The following UGT1A4 variants were observed in gnomAD, a reference collection of about 807,000 sequenced individuals.
The protein encoded by UGT1A4 is UDP glucuronosyltransferase family 1 member A4.
A neutral mutation model predicts 41.1 loss-of-function variants in UGT1A4; 32 were observed. That is an observed-to-expected ratio of 0.78 (90% CI 0.59 to 1.05). The LOEUF (loss-of-function observed/expected upper bound fraction) is 1.05, where lower values mean the gene tolerates loss of function less well. UGT1A4 is among the 50% of genes least tolerant of loss of function. The pLI is 0.00. For synonymous variants in UGT1A4, 283 were observed against 265.1 expected, an observed-to-expected ratio of 1.07 and a Z score of -0.66; for missense variants, 748 against 677.4, an observed-to-expected ratio of 1.10 and a Z score of -1.16.
chr2:233,722,106 A>G, intron 1 of UGT1A4: 1 of 195,622 alleles, frequency 5.1e-6, no homozygotes, highest in South Asian at 1.0e-4. Flanking sequence ...TCTTAGAGGA[A>G]GAGCTATCAT....
chr2:233,769,846 A>T lies in UGT1A4; in HGVS notation c.1307+1407A>T. 5.9e-6 allele frequency: 3 copies of T among 506,296 alleles called. No individual in the cohort carries two copies. Among genetic ancestry groups the T allele is most frequent in the African/African-American group, 2.0e-5 (1 of 49,168 alleles). The allele number at this position is 506,296 out of a possible 1,614,324, so 31.4% of individuals were successfully genotyped here. ...CTCCAGCAACCTGGGCAACAGAGTG[A>T]GACCCTGTCTCAAAAAAAAAAAAAA... On this transcript the variant is annotated intron_variant, in intron 4 of 4. Coordinates refer to ENST00000373409, the MANE Select transcript of UGT1A4 (RefSeq NM_007120.3). The surrounding 1 kb of genome is among the most constrained non-coding windows in gnomAD (Gnocchi z 4.4).
chr2:233,733,569 G>C (rs1217619334), intron 1 of UGT1A4, among the ~76,000 whole-genome samples: 1 of 152,186 alleles, frequency 6.6e-6, no homozygotes, highest in East Asian at 1.9e-4. Context: ...AAATAATCAT[G>C]TGGTTTGTCA....
intron 1 of UGT1A4, among the ~76,000 whole-genome samples, chr2:233,737,236 T>A (rs2078854689): frequency 6.6e-6 from 1 of 152,226 alleles, no homozygotes; most frequent in Non-Finnish European, 1.5e-5. Flanking sequence ...CTGGATGCTT[T>A]GTTTACCTAC....
Position 233,769,261 on chromosome 2 carries a change from C to T in UGT1A4, c.1307+822C>T, listed in dbSNP as rs1242622914. ...ATTTGCTCAAATGTGGCCCTGAAAA[C>T]GATTCAAAGGGCAAATGATTTCTGG... On this transcript the variant is annotated intron_variant, in intron 4 of 4. Coordinates refer to ENST00000373409, the MANE Select transcript of UGT1A4 (RefSeq NM_007120.3). This position sits in a 1 kb window ranked among gnomAD's most constrained non-coding sequence, Gnocchi z 4.4. 1.3e-5 allele frequency among the ~76,000 whole-genome samples: 2 copies of T among 152,124 alleles called. No homozygotes were observed. Among genetic ancestry groups the T allele is most frequent in the African/African-American group, 2.4e-5 (1 of 41,420 alleles).
At position 233,772,420 on chromosome 2, in the gene UGT1A4, C is replaced by G. The variant is rs72551360; in HGVS notation, c.1466C>G (p.Ser489Cys). Residue 489 changes from serine (S) to cysteine (C), a missense_variant, in exon 5 of 5, where the codon TCC becomes TGC. Ser to Cys is a moderately radical substitution (Grantham distance 112, BLOSUM62 -1). Coordinates refer to ENST00000373409, the MANE Select transcript of UGT1A4 (RefSeq NM_007120.3). ...GACCTCACCTGGTACCAGTACCATTCCTTGGACGTGATTGGTTTCCTCTTG... is the reference window on the plus strand; with the variant it reads ...GACCTCACCTGGTACCAGTACCATTGCTTGGACGTGATTGGTTTCCTCTTG... ...AHDLTWYQYH[S>C]LDVIGFLLAV... is the part of the protein sequence containing the mutation. The G allele has an allele frequency of 1.2e-6, 2 of 1,614,120 alleles. No homozygotes were observed. Among genetic ancestry groups the G allele is most frequent in the African/African-American group, 2.7e-5 (2 of 74,942 alleles).
chr2:233,771,982 G>T (rs1700430504), intron 4 of UGT1A4, among the ~76,000 whole-genome samples: 2 of 152,206 alleles, frequency 1.3e-5, no homozygotes, highest in South Asian at 4.1e-4. Context: ...AGACATAGTG[G>T]TGCATGACTA....
At chr2:233,732,108 C>T (rs1321461905) in intron 1 of UGT1A4, among the ~76,000 whole-genome samples, 1 of 150,998 alleles carries the variant, frequency 6.6e-6, no homozygotes, top group Non-Finnish European at 1.5e-5. Context: ...TGTTCATATC[C>T]TTTGCCCACT....
chr2:233,719,279 C>T lies in UGT1A4; in HGVS notation c.459C>T (p.Pro153=), dbSNP rs371816622. The change falls in exon 1 of 5, where the codon CCC becomes CCT. Residue 153 remains proline (P), a synonymous_variant. Transcript: ENST00000373409. ...ATSFDVVLTD[P]VNLCGAVLAK... ...CCTTTGATGTGGTTTTAACAGACCCCGTTAACCTCTGTGGGGCGGTGCTGG... is the reference window on the plus strand; with the variant it reads ...CCTTTGATGTGGTTTTAACAGACCCTGTTAACCTCTGTGGGGCGGTGCTGG... 6.4e-5 allele frequency: 103 copies of T among 1,614,078 alleles called. 1 individual carries two copies. In the African/African-American group the frequency reaches 1.0e-3, roughly 16 times the overall value.
At chr2:233,755,270 G>A (rs1695837924) in intron 1 of UGT1A4, 1 of 756,192 alleles carries the variant, frequency 1.3e-6, no homozygotes, top group Non-Finnish European at 2.0e-6. Flanking sequence ...AGTCCACTAT[G>A]CTGGACTGCC....
chr2:233,764,699 G>A (rs1698625659), intron 1 of UGT1A4, among the ~76,000 whole-genome samples: 1 of 152,188 alleles, frequency 6.6e-6, no homozygotes, highest in African/African-American at 2.4e-5. Flanking sequence ...ACTTGGAAAT[G>A]AGCTGTGTCT....
At position 233,760,976 on chromosome 2, in the gene UGT1A4, A is replaced by G. The variant is rs754922685; in HGVS notation, c.868-6058A>G. 3 of 1,614,218 alleles carry G rather than the reference A, an allele frequency of 1.9e-6. No individual in the cohort carries two copies. The South Asian group carries it at 3.3e-5, about 18-fold the overall frequency. On this transcript the variant is annotated intron_variant, in intron 1 of 4. Transcript: ENST00000373409. The stretch of plus-strand genomic sequence containing the variant: ...CTGTGCGACGTGGTTTATTCCCCGT[A>G]TGCAACCCTTGCCTCAGAATTCCTT...
chr2:233,763,945 G>T (rs1405755046), intron 1 of UGT1A4, among the ~76,000 whole-genome samples: 1 of 152,190 alleles, frequency 6.6e-6, no homozygotes, highest in South Asian at 2.1e-4. Context: ...GGAAAGCTTG[G>T]GAGCAGGGAA....
At chr2:233,724,731 AG>A (rs1324353802) in intron 1 of UGT1A4, among the ~76,000 whole-genome samples, 1 of 143,714 alleles carries the variant, frequency 7.0e-6, no homozygotes, top group Non-Finnish European at 1.5e-5. Context: ...AGCCAGGCAG[AG>A]GGGCTCCTCA....
chr2:233,748,172 T>C, intron 1 of UGT1A4: 1 of 1,584,752 alleles, frequency 6.3e-7, no homozygotes, highest in East Asian at 2.2e-5. Flanking sequence ...TCTACTTATC[T>C]TTCTGGTGCT....
chr2:233,768,836 G>A (rs543894216), intron 4 of UGT1A4, among the ~76,000 whole-genome samples: 3 of 151,834 alleles, frequency 2.0e-5, no homozygotes, highest in African/African-American at 7.3e-5. Flanking sequence ...CACCTGCCTC[G>A]GCCTGCCAAA....
intron 1 of UGT1A4, chr2:233,743,535 C>T: frequency 7.3e-7 from 1 of 1,367,194 alleles, no homozygotes; most frequent in Non-Finnish European, 9.8e-7. Flanking sequence ...CCCAGCAGTT[C>T]CTCTGACCCC....
chr2:233,751,523 AT>A (rs1694748821), intron 1 of UGT1A4, among the ~76,000 whole-genome samples: 1 of 152,210 alleles, frequency 6.6e-6, no homozygotes, highest in Admixed American at 6.5e-5. Context: ...GCAGAATGAT[AT>A]GGTTTGACTC....
chr2:233,769,533 A>G lies in UGT1A4; in HGVS notation c.1307+1094A>G. The G allele has an allele frequency of 6.2e-7, 1 of 1,612,916 alleles. No homozygotes were observed. The highest frequency in any genetic ancestry group is 8.5e-7 in the Non-Finnish European group (1 of 1,179,872). On this transcript the variant is annotated intron_variant, in intron 4 of 4. Transcript: ENST00000373409. The surrounding 1 kb of genome is among the most constrained non-coding windows in gnomAD (Gnocchi z 4.4). Reference sequence around the variant, plus strand: ...TCTCCCATGGTTACCTCCTTTAGAAAGAAGCAGCAGTCAGGAAGACAGATG... The same window carrying G: ...TCTCCCATGGTTACCTCCTTTAGAAGGAAGCAGCAGTCAGGAAGACAGATG...
chr2:233,768,242 TATCACCC>T lies in UGT1A4; in HGVS notation c.1113_1119del (p.Ile371MetfsTer18), dbSNP rs1699593680. On this transcript the variant is annotated frameshift_variant, in exon 4 of 5. Transcript: ENST00000373409. LOFTEE classifies it high-confidence loss of function. ...CAGGTCACCCGATGACCCGTGCCTT[TATCACCC>T]ATGCTGGTTCCCATGGTGTTTATGA... 2 of 1,614,112 alleles carry T rather than the reference TATCACCC, an allele frequency of 1.2e-6. No individual in the cohort carries two copies. The highest frequency in any genetic ancestry group is 1.7e-5 in the Admixed American group (1 of 60,004).
Sources: allele counts gnomAD v4.1 joint callset (sites outside exome capture counted in the v4.1 genomes callset), GRCh38; gene constraint gnomAD v4.1.1; non-coding constraint Gnocchi (gnomAD v3.1); transcripts MANE v1.5; gene names NCBI Gene and HGNC (gene_info 2026-07-23, HGNC 2026-07-21).